PARD3: variants seen among roughly 807,000 people sequenced by gnomAD.
The protein encoded by PARD3 is partitioning defective 3 homolog.
PARD3 carries 75 observed loss-of-function variants against 155.4 expected under a neutral mutation model. The observed-to-expected ratio is 0.48, with a 90% CI of 0.40 to 0.58. The LOEUF is 0.58. PARD3 is among the 20% of genes least tolerant of loss of function. The probability of loss-of-function intolerance (pLI) is 0.00; values close to 1 mark genes in which losing one functional copy is unlikely to be tolerated. For synonymous variants in PARD3, 576 were observed against 610.5 expected, an observed-to-expected ratio of 0.94 and a Z score of 0.83; for missense variants, 1,642 against 1,721.7, an observed-to-expected ratio of 0.95 and a Z score of 0.82.
At chr10:34,287,510 G>C (rs1027644135) in intron 20 of PARD3, among the ~76,000 whole-genome samples, 14 of 151,928 alleles carry the variant, frequency 9.2e-5, no homozygotes, top group African/African-American at 3.4e-4. Context: ...AAGAAATAGT[G>C]TACATATGCT....
intron 22 of PARD3, among the ~76,000 whole-genome samples, chr10:34,173,287 T>C (rs1949887822): frequency 6.6e-6 from 1 of 152,186 alleles, no homozygotes; most frequent in Non-Finnish European, 1.5e-5. Flanking sequence ...CAGCTTGTAA[T>C]ATTTCAAGGC....
At chr10:34,279,317 A>C (rs182738483) in intron 21 of PARD3, among the ~76,000 whole-genome samples, 1 of 151,892 alleles carries the variant, frequency 6.6e-6, no homozygotes, top group East Asian at 1.9e-4. Context: ...CAACACACCC[A>C]ATCAAGTATT....
At chr10:34,384,297 C>T in intron 7 of PARD3, 43 bp from the exon 8 acceptor site, 1 of 1,574,714 alleles carries the variant, frequency 6.4e-7, no homozygotes, top group Non-Finnish European at 8.7e-7. Flanking sequence ...GTAATATCTC[C>T]ACCATGCACA....
rs559059404 is a variant in PARD3 at position 34,550,897 on chromosome 10, TCA to T, written c.223-33740_223-33739del. ...ATCTGCACAATCCCAATCTAAAACA[TCA>T]CAGATACAGTGTTTCGTATTACATA... On this transcript the variant is annotated intron_variant, in intron 2 of 24. Transcript: ENST00000374788. Among the ~76,000 whole-genome samples, 52 of 152,304 alleles carry T rather than the reference TCA, an allele frequency of 3.4e-4. No homozygotes were observed. The South Asian group carries it at 0.01, about 30-fold the overall frequency.
rs146093038 is a variant in PARD3 at position 34,648,418 on chromosome 10, A to G, written c.222+47900T>C. Reference sequence around the variant, plus strand: ...CTCAGAAGACCAAAAATTACTTCACAATACTGCAAGATCTAAACCAGTGGC... The same window carrying G: ...CTCAGAAGACCAAAAATTACTTCACGATACTGCAAGATCTAAACCAGTGGC... On this transcript the variant is annotated intron_variant, in intron 2 of 24. Transcript: ENST00000374788. Among the ~76,000 whole-genome samples the G allele has an allele frequency of 1.3e-5, 2 of 152,300 alleles. 1 individual carries two copies. Among genetic ancestry groups the G allele is most frequent in the Non-Finnish European group, 2.9e-5 (2 of 68,026 alleles).
intron 2 of PARD3, among the ~76,000 whole-genome samples, chr10:34,684,826 C>T (rs865887817): frequency 2.9e-3 from 262 of 90,394 alleles, no homozygotes; most frequent in East Asian, 3.6e-3. Flanking sequence ...CACACACACA[C>T]ACACATATAT....
chr10:34,770,803 A>C lies in PARD3; in HGVS notation c.120+44073T>G, dbSNP rs548167016. Among the ~76,000 whole-genome samples, 166 of 152,304 alleles carry C rather than the reference A, an allele frequency of 1.1e-3. 2 individuals carry two copies. Among genetic ancestry groups the C allele is most frequent in the Non-Finnish European group, 2.2e-3 (150 of 68,024 alleles). On this transcript the variant is annotated intron_variant, in intron 1 of 24. Transcript: ENST00000374788. ...CACCTGCAATGATGTAGAGATTCCA[A>C]GACTCCAGACAGGGATGTGCCCTGT...
intron 19 of PARD3, 149 bp downstream of exon 19, chr10:34,330,968 C>T (rs1460674243): frequency 6.3e-6 from 4 of 638,814 alleles, no homozygotes; most frequent in Admixed American, 2.9e-5. Flanking sequence ...CAAATAATAT[C>T]GTCTTATTAT....
intron 3 of PARD3, among the ~76,000 whole-genome samples, chr10:34,515,993 G>C (rs1463754977): frequency 6.7e-6 from 1 of 148,612 alleles, no homozygotes; most frequent in African/African-American, 2.5e-5. Flanking sequence ...CTCTCACTCT[G>C]TTGCCCAGGC....
At chr10:34,420,924 C>G (rs1379361558) in intron 5 of PARD3, among the ~76,000 whole-genome samples, 5 of 152,098 alleles carry the variant, frequency 3.3e-5, no homozygotes, top group Non-Finnish European at 7.4e-5. Context: ...GTCTGTAATC[C>G]CAACACTTTG....
intron 7 of PARD3, among the ~76,000 whole-genome samples, chr10:34,388,024 T>C (rs1488550075): frequency 6.6e-6 from 1 of 152,186 alleles, no homozygotes; most frequent in African/African-American, 2.4e-5. Context: ...CCAACATTGT[T>C]ATAAGTCATG....
At chr10:34,682,201 T>C (rs532572262) in intron 2 of PARD3, among the ~76,000 whole-genome samples, 1 of 152,092 alleles carries the variant, frequency 6.6e-6, no homozygotes, top group Non-Finnish European at 1.5e-5. Flanking sequence ...AAAAGAAGTA[T>C]CTCTTGACAA....
intron 3 of PARD3, among the ~76,000 whole-genome samples, chr10:34,516,221 TC>T (rs1467684512): frequency 6.6e-6 from 1 of 152,240 alleles, no homozygotes; most frequent in East Asian, 1.9e-4. Context: ...CACCTCAGCC[TC>T]CCAAAGTGCT....
chr10:34,357,163 G>A lies in PARD3; in HGVS notation c.2067+1984C>T, dbSNP rs1222053801. Among the ~76,000 whole-genome samples, 3 of 152,082 alleles carry A rather than the reference G, an allele frequency of 2.0e-5. No individual in the cohort carries two copies. In the South Asian group the frequency reaches 6.2e-4, roughly 32 times the overall value. On this transcript the variant is annotated intron_variant, in intron 14 of 24. Coordinates refer to ENST00000374788, the MANE Select transcript of PARD3 (RefSeq NM_001184785.2). ...GTACAGGTTTACTTTGTCACTATTT[G>A]GGGGGAACAATAGGGAATAATCTGA...
At chr10:34,678,055 A>T (rs2093742203) in intron 2 of PARD3, among the ~76,000 whole-genome samples, 1 of 151,802 alleles carries the variant, frequency 6.6e-6, no homozygotes, top group South Asian at 2.1e-4. Flanking sequence ...ATGTTTTTTT[A>T]ATTTATTTAT....
chr10:34,548,649 T>C (rs1355121717), intron 2 of PARD3, among the ~76,000 whole-genome samples: 2 of 152,196 alleles, frequency 1.3e-5, no homozygotes, highest in Non-Finnish European at 2.9e-5. Context: ...GAATGTGGTT[T>C]ATGAACAATC....
intron 22 of PARD3, among the ~76,000 whole-genome samples, chr10:34,170,877 A>G (rs903244838): frequency 3.9e-5 from 6 of 152,238 alleles, no homozygotes; most frequent in Admixed American, 3.9e-4. Flanking sequence ...TGCATCTGTC[A>G]TATGAATATG....
intron 1 of PARD3, among the ~76,000 whole-genome samples, chr10:34,739,486 C>T (rs1011967835): frequency 6.6e-6 from 1 of 152,158 alleles, no homozygotes; most frequent in Non-Finnish European, 1.5e-5. Context: ...AATTAAAATG[C>T]TGAAATCCCA....
intron 3 of PARD3, among the ~76,000 whole-genome samples, chr10:34,491,908 A>G (rs545064624): frequency 1.1e-4 from 16 of 151,926 alleles, no homozygotes; most frequent in South Asian, 8.4e-4. Flanking sequence ...CACTGGGGGG[A>G]AAAAAAATGA....
Sources: allele counts gnomAD v4.1 joint callset (sites outside exome capture counted in the v4.1 genomes callset), GRCh38; gene constraint gnomAD v4.1.1; transcripts MANE v1.5; gene names NCBI Gene and HGNC (gene_info 2026-07-23, HGNC 2026-07-21).